AUTS2: variants seen among roughly 807,000 people sequenced by gnomAD.
The protein encoded by AUTS2 is activator of transcription and developmental regulator AUTS2, also known as autism susceptibility gene 2 protein.
Under a neutral mutation model 112.4 loss-of-function variants are expected in AUTS2, and 17 were observed. The ratio of observed to expected loss-of-function variants is 0.15; its 90% CI spans 0.10 to 0.23. The LOEUF is 0.23. Among genes scored for constraint, AUTS2 ranks in the 10% least tolerant of loss-of-function variants. The pLI is 1.00. For missense variants in AUTS2, 1,510 were observed against 1,701.6 expected, an observed-to-expected ratio of 0.89 and a Z score of 1.98; for synonymous variants, 751 against 702.7, an observed-to-expected ratio of 1.07 and a Z score of -1.09.
intron 4 of AUTS2, among the ~76,000 whole-genome samples, chr7:70,222,355 G>A (rs1225930465): frequency 6.6e-6 from 1 of 152,152 alleles, no homozygotes; most frequent in Admixed American, 6.5e-5. Flanking sequence ...TTTGTTACAA[G>A]TTTTCTTATC....
chr7:70,504,621 G>T (rs537878158), intron 5 of AUTS2, among the ~76,000 whole-genome samples: 1 of 152,150 alleles, frequency 6.6e-6, no homozygotes. Flanking sequence ...TCAGTTACTT[G>T]ATTGGTATCT....
At chr7:70,306,414 C>G (rs1789496623) in intron 4 of AUTS2, among the ~76,000 whole-genome samples, 1 of 152,206 alleles carries the variant, frequency 6.6e-6, no homozygotes, top group Non-Finnish European at 1.5e-5. Context: ...GCTGCTCTGT[C>G]AACTCTTCTT....
intron 1 of AUTS2, among the ~76,000 whole-genome samples, chr7:69,739,122 C>CA (rs1319318705): frequency 1.3e-5 from 2 of 152,046 alleles, no homozygotes; most frequent in African/African-American, 4.8e-5. Context: ...AACCAATCTT[C>CA]AGGGGGTGGG....
chr7:70,192,824 T>A (rs560867472), intron 4 of AUTS2, among the ~76,000 whole-genome samples: 1 of 152,186 alleles, frequency 6.6e-6, no homozygotes, highest in Non-Finnish European at 1.5e-5. Context: ...TTTGGGCAGA[T>A]GGAATGCTCA....
chr7:70,056,501 G>A (rs1028265627), intron 2 of AUTS2, among the ~76,000 whole-genome samples: 18 of 152,120 alleles, frequency 1.2e-4, no homozygotes, highest in African/African-American at 3.9e-4. Context: ...CTTATCACTT[G>A]TTCTGTGCAG....
At position 69,730,346 on chromosome 7, in the gene AUTS2, A is replaced by C. The variant is rs755463248; in HGVS notation, c.309+130384A>C. ...TTTCTTCTGTTGCCTTAAGATGAAC[A>C]AACTTGTCATCCCTTCTGAGATCTA... On this transcript the variant is annotated intron_variant, in intron 1 of 18. Transcript: ENST00000342771. Among the ~76,000 whole-genome samples the C allele has an allele frequency of 9.7e-4, 148 of 152,272 alleles. 1 individual carries two copies. The highest frequency in any genetic ancestry group is 1.3e-3 in the Non-Finnish European group (88 of 68,020).
chr7:69,676,363 C>G (rs1417004559), intron 1 of AUTS2, among the ~76,000 whole-genome samples: 1 of 152,204 alleles, frequency 6.6e-6, no homozygotes, highest in Non-Finnish European at 1.5e-5. Flanking sequence ...CCATTGAGAT[C>G]ACTTTCTTTA....
chr7:70,594,867 C>T (rs1341374187), intron 5 of AUTS2, among the ~76,000 whole-genome samples: 2 of 152,098 alleles, frequency 1.3e-5, no homozygotes, highest in African/African-American at 2.4e-5. Context: ...TTTGGAAGGC[C>T]GAGGCGGGTG....
intron 6 of AUTS2, among the ~76,000 whole-genome samples, chr7:70,722,063 A>G (rs1206109114): frequency 6.6e-6 from 1 of 152,106 alleles, no homozygotes; most frequent in Non-Finnish European, 1.5e-5. Context: ...TTTTGAATCC[A>G]GGATTCAATG....
At chr7:70,469,571 A>C (rs1411588519) in intron 5 of AUTS2, among the ~76,000 whole-genome samples, 1 of 152,130 alleles carries the variant, frequency 6.6e-6, no homozygotes, top group Non-Finnish European at 1.5e-5. Flanking sequence ...CCTGAGGGAG[A>C]GGGAAGCCAC....
At chr7:69,847,044 C>T (rs1015774105) in intron 1 of AUTS2, among the ~76,000 whole-genome samples, 1 of 152,120 alleles carries the variant, frequency 6.6e-6, no homozygotes, top group Non-Finnish European at 1.5e-5. Flanking sequence ...TTGAAATGCA[C>T]CTTAAGGCAT....
chr7:69,901,442 C>G (rs144063959), intron 2 of AUTS2, among the ~76,000 whole-genome samples: 1 of 152,170 alleles, frequency 6.6e-6, no homozygotes, highest in Non-Finnish European at 1.5e-5. Flanking sequence ...TCTACTTCTT[C>G]GAGACTTTCA....
chr7:69,709,986 T>G (rs1245139232), intron 1 of AUTS2, among the ~76,000 whole-genome samples: 1 of 152,160 alleles, frequency 6.6e-6, no homozygotes, highest in African/African-American at 2.4e-5. Context: ...TCAGTCCAAG[T>G]ATGAAATGAT....
chr7:69,672,796 C>A (rs1796396727), intron 1 of AUTS2, among the ~76,000 whole-genome samples: 1 of 152,200 alleles, frequency 6.6e-6, no homozygotes, highest in Non-Finnish European at 1.5e-5. Flanking sequence ...CTGTTGGCAT[C>A]TTCTCTTTCT....
intron 1 of AUTS2, among the ~76,000 whole-genome samples, chr7:69,740,722 C>T (rs1403586944): frequency 6.6e-6 from 1 of 151,900 alleles, no homozygotes; most frequent in African/African-American, 2.4e-5. Flanking sequence ...GACGGACTTT[C>T]ACCATGTTAG....
At chr7:70,280,300 T>C (rs1000126638) in intron 4 of AUTS2, among the ~76,000 whole-genome samples, 1 of 149,332 alleles carries the variant, frequency 6.7e-6, no homozygotes, top group Non-Finnish European at 1.5e-5. Flanking sequence ...TTTTTTTTTT[T>C]CCGAGACAGA....
intron 1 of AUTS2, among the ~76,000 whole-genome samples, chr7:69,790,372 T>G (rs1224005506): frequency 6.6e-6 from 1 of 152,130 alleles, no homozygotes; most frequent in Non-Finnish European, 1.5e-5. Flanking sequence ...TGAATACACA[T>G]TATGGAGGAT....
intron 4 of AUTS2, among the ~76,000 whole-genome samples, chr7:70,159,317 A>G (rs1175269422): frequency 6.6e-6 from 1 of 152,202 alleles, no homozygotes; most frequent in Non-Finnish European, 1.5e-5. Flanking sequence ...GGGTGTCATA[A>G]AATGTTGGCA....
chr7:70,117,435 A>G (rs1180586427), intron 2 of AUTS2, among the ~76,000 whole-genome samples: 1 of 152,172 alleles, frequency 6.6e-6, no homozygotes, highest in African/African-American at 2.4e-5. Context: ...AAGACAGAAG[A>G]AAAAAGGTAA....
Sources: allele counts gnomAD v4.1 joint callset (sites outside exome capture counted in the v4.1 genomes callset), GRCh38; gene constraint gnomAD v4.1.1; transcripts MANE v1.5; gene names NCBI Gene and HGNC (gene_info 2026-07-23, HGNC 2026-07-21).